Variants in RABGAP1L observed in about 807,000 individuals in gnomAD.
RABGAP1L encodes the protein rab GTPase-activating protein 1-like.
A neutral mutation model predicts 137.7 loss-of-function variants in RABGAP1L; 63 were observed. The ratio of observed to expected loss-of-function variants is 0.46; its 90% CI spans 0.37 to 0.56. The LOEUF is 0.56. RABGAP1L is among the 20% of genes least tolerant of loss of function. The probability of loss-of-function intolerance (pLI) is 0.00; values close to 1 mark genes in which losing one functional copy is unlikely to be tolerated. For synonymous variants in RABGAP1L, 431 were observed against 433.7 expected, an observed-to-expected ratio of 0.99 and a Z score of 0.08; for missense variants, 1,095 against 1,244.0, an observed-to-expected ratio of 0.88 and a Z score of 1.80.
At chr1:174,512,221 A>G (rs558088574) in intron 13 of RABGAP1L, among the ~76,000 whole-genome samples, 73 of 152,276 alleles carry the variant, frequency 4.8e-4, no homozygotes, top group Non-Finnish European at 7.2e-4. Context: ...AGAAGATAAC[A>G]CTTACCATCT....
chr1:174,758,749 A>G (rs1160517927), intron 18 of RABGAP1L, among the ~76,000 whole-genome samples: 1 of 152,182 alleles, frequency 6.6e-6, no homozygotes, highest in African/African-American at 2.4e-5. Flanking sequence ...CCAAACCCAC[A>G]TATTTGGCTG....
At chr1:174,211,282 C>A (rs909032286) in intron 1 of RABGAP1L, among the ~76,000 whole-genome samples, 1 of 152,080 alleles carries the variant, frequency 6.6e-6, no homozygotes, top group Non-Finnish European at 1.5e-5. Flanking sequence ...ACTGCAACAA[C>A]TTTTCAAGAC....
chr1:174,752,248 T>G, intron 17 of RABGAP1L, 65 bp from the exon 18 acceptor site: 1 of 1,158,196 alleles, frequency 8.6e-7, no homozygotes, highest in South Asian at 1.4e-5. Context: ...GTGGAAGTCT[T>G]GGGGAAATAA....
At chr1:174,228,997 G>T (rs1181512667) in intron 3 of RABGAP1L, among the ~76,000 whole-genome samples, 1 of 150,872 alleles carries the variant, frequency 6.6e-6, no homozygotes, top group Non-Finnish European at 1.5e-5. Context: ...GCTGCCTGCT[G>T]TTCTTAGAAT....
chr1:174,903,387 A>G (rs1294123660), intron 19 of RABGAP1L, among the ~76,000 whole-genome samples: 3 of 152,230 alleles, frequency 2.0e-5, no homozygotes, highest in Non-Finnish European at 4.4e-5. Context: ...ATGTGATAAT[A>G]TAAAGAGAAA....
At chr1:174,636,834 G>A (rs1674085175) in intron 13 of RABGAP1L, among the ~76,000 whole-genome samples, 1 of 152,004 alleles carries the variant, frequency 6.6e-6, no homozygotes, top group Admixed American at 6.6e-5. Context: ...AAACCTCAAG[G>A]AATTTATCCT....
chr1:174,480,268 A>G (rs1658950900), intron 13 of RABGAP1L, among the ~76,000 whole-genome samples: 1 of 152,216 alleles, frequency 6.6e-6, no homozygotes, highest in African/African-American at 2.4e-5. Context: ...AAACAGTGCC[A>G]TTTAGAATAC....
intron 20 of RABGAP1L, chr1:174,964,988 A>G: frequency 6.8e-7 from 1 of 1,480,800 alleles, no homozygotes; most frequent in Non-Finnish European, 9.1e-7. Flanking sequence ...TTGAGGAGGT[A>G]AGTTTTTTTT....
intron 1 of RABGAP1L, among the ~76,000 whole-genome samples, chr1:174,172,635 T>G: frequency 6.6e-6 from 1 of 152,204 alleles, no homozygotes; most frequent in East Asian, 1.9e-4. Context: ...TGTTGGCCCT[T>G]TGTATGTCTT....
chr1:174,215,606 C>G (rs550548373), intron 1 of RABGAP1L, among the ~76,000 whole-genome samples: 1 of 152,094 alleles, frequency 6.6e-6, no homozygotes, highest in Admixed American at 6.5e-5. Context: ...AAATGCAAAT[C>G]AAAACTACAA....
chr1:174,682,171 C>T (rs1678110629), intron 14 of RABGAP1L, among the ~76,000 whole-genome samples: 1 of 151,948 alleles, frequency 6.6e-6, no homozygotes, highest in Admixed American at 6.6e-5. Flanking sequence ...ATTGCAGCTA[C>T]TCAGGGGGCT....
At chr1:174,668,171 G>C (rs1016726585) in intron 14 of RABGAP1L, among the ~76,000 whole-genome samples, 1 of 152,096 alleles carries the variant, frequency 6.6e-6, no homozygotes, top group Non-Finnish European at 1.5e-5. Context: ...GCCATTAATT[G>C]TAGGCATCAT....
chr1:174,654,386 C>A (rs1479193663), intron 14 of RABGAP1L, among the ~76,000 whole-genome samples: 1 of 152,156 alleles, frequency 6.6e-6, no homozygotes, highest in Non-Finnish European at 1.5e-5. Flanking sequence ...TGCATATAAA[C>A]CCTAAAAGAG....
chr1:174,571,898 T>G (rs76274041), intron 13 of RABGAP1L, among the ~76,000 whole-genome samples: 1 of 152,194 alleles, frequency 6.6e-6, no homozygotes, highest in Non-Finnish European at 1.5e-5. Flanking sequence ...ATTCTTATCA[T>G]TTTTTTCAGG....
At chr1:174,416,513 G>T (rs1650608358) in intron 13 of RABGAP1L, among the ~76,000 whole-genome samples, 1 of 151,880 alleles carries the variant, frequency 6.6e-6, no homozygotes, top group Non-Finnish European at 1.5e-5. Flanking sequence ...AATAATATTG[G>T]GTTAGAATAT....
At chr1:174,554,463 C>G (rs1666746675) in intron 13 of RABGAP1L, among the ~76,000 whole-genome samples, 1 of 152,102 alleles carries the variant, frequency 6.6e-6, no homozygotes, top group Admixed American at 6.5e-5. Context: ...CTTAGTGTGT[C>G]TGTGTCCCCT....
intron 3 of RABGAP1L, among the ~76,000 whole-genome samples, chr1:174,230,601 C>A (rs1558051542): frequency 6.6e-6 from 1 of 152,020 alleles, no homozygotes; most frequent in African/African-American, 2.4e-5. Flanking sequence ...ACGGAAATTC[C>A]TTGTGAGTAA....
intron 13 of RABGAP1L, among the ~76,000 whole-genome samples, chr1:174,513,673 A>G (rs1662551726): frequency 6.6e-6 from 1 of 152,144 alleles, no homozygotes; most frequent in Non-Finnish European, 1.5e-5. Flanking sequence ...ACTTTTCTAG[A>G]CTAAATCATT....
At chr1:174,849,933 A>G (rs1004363755) in intron 19 of RABGAP1L, 2 of 676,086 alleles carry the variant, frequency 3.0e-6, no homozygotes, top group East Asian at 4.4e-5. Flanking sequence ...TTTTACCTGC[A>G]TGGAAGACAC....
Sources: gnomAD v4.1 joint callset for allele counts (sites outside exome capture counted in the v4.1 genomes callset) on GRCh38, gnomAD v4.1.1 for gene constraint, MANE v1.5 for transcripts, NCBI Gene and HGNC (gene_info 2026-07-23, HGNC 2026-07-21) for gene names.